Variants in IMMP2L observed in about 807,000 individuals in gnomAD.
IMMP2L encodes the protein mitochondrial inner membrane protease subunit 2.
Under a neutral mutation model 19.3 loss-of-function variants are expected in IMMP2L, and 18 were observed. The ratio of observed to expected loss-of-function variants is 0.93; its 90% confidence interval spans 0.64 to 1.38. IMMP2L has a LOEUF of 1.38. Among genes scored for constraint, IMMP2L ranks in the 40% most tolerant of loss-of-function variants. The pLI is 0.00. For missense variants in IMMP2L, 233 were observed against 218.2 expected (o/e 1.07, Z -0.43); for synonymous variants, 76 against 73.0 (o/e 1.04, Z -0.21).
In IMMP2L at chr7:111,333,699, T is replaced by A. The variant is rs1343543252; in HGVS notation, c.239+153539A>T. 3.9e-5 allele frequency among the ~76,000 whole-genome samples: 6 copies of A among 152,174 alleles called. 1 individual carries two copies. The South Asian group carries it at 1.2e-3, about 32-fold the overall frequency. On this transcript the variant is annotated intron_variant, in intron 3 of 5. Transcript: ENST00000405709. ...TAATCAGCTGACAGTGTAGCCAGAA[T>A]AAAAGCAGGCAGAACATGAAAAGAC... is the stretch of plus-strand genomic sequence containing the variant.
chr7:110,808,229 G>A (rs1801764392), intron 5 of IMMP2L, among the ~76,000 whole-genome samples: 1 of 151,956 alleles, frequency 6.6e-6, no homozygotes, highest in Non-Finnish European at 1.5e-5. Flanking sequence ...ATTCTGTTAA[G>A]GATAATTTCA....
intron 1 of IMMP2L, among the ~76,000 whole-genome samples, chr7:111,539,590 T>C (rs1477669786): frequency 1.3e-5 from 2 of 151,762 alleles, no homozygotes; most frequent in Admixed American, 6.6e-5. Context: ...GTGAACAGAG[T>C]TCTGAACTGC....
intron 3 of IMMP2L, among the ~76,000 whole-genome samples, chr7:111,384,826 T>C (rs568531498): frequency 2.5e-4 from 38 of 152,314 alleles, no homozygotes; most frequent in African/African-American, 8.4e-4. Context: ...TTATGTATTT[T>C]TTTAACTGGA....
At chr7:111,214,158 T>C (rs1421167329) in intron 3 of IMMP2L, among the ~76,000 whole-genome samples, 1 of 152,072 alleles carries the variant, frequency 6.6e-6, no homozygotes, top group East Asian at 1.9e-4. Flanking sequence ...GTATCTTCTC[T>C]TGCTTATTTA....
At chr7:110,868,727 A>C (rs1048954213) in intron 5 of IMMP2L, among the ~76,000 whole-genome samples, 3 of 152,108 alleles carry the variant, frequency 2.0e-5, no homozygotes, top group Non-Finnish European at 4.4e-5. Flanking sequence ...GAATAATTGC[A>C]ATGGGAAGAA....
At chr7:111,531,370 A>G (rs1782074587) in intron 1 of IMMP2L, among the ~76,000 whole-genome samples, 1 of 152,000 alleles carries the variant, frequency 6.6e-6, no homozygotes, top group African/African-American at 2.4e-5. Context: ...TCCTTTAACA[A>G]TAATCTAGGA....
At chr7:110,687,395 T>A (rs941969160) in intron 5 of IMMP2L, among the ~76,000 whole-genome samples, 2 of 152,156 alleles carry the variant, frequency 1.3e-5, no homozygotes, top group African/African-American at 4.8e-5. Flanking sequence ...AGAATCCATG[T>A]CTAAGTCATC....
intron 4 of IMMP2L, chr7:110,962,916 T>G: frequency 7.1e-7 from 1 of 1,402,230 alleles, no homozygotes; most frequent in Non-Finnish European, 9.2e-7. Flanking sequence ...TGCCACACAG[T>G]ATTTACTTGC....
chr7:111,080,662 T>C (rs1358694126), intron 3 of IMMP2L, among the ~76,000 whole-genome samples: 2 of 152,154 alleles, frequency 1.3e-5, no homozygotes, highest in South Asian at 4.1e-4. Flanking sequence ...CATTCTACAC[T>C]CAATTAAGCC....
At chr7:111,344,773 T>C (rs1261852593) in intron 3 of IMMP2L, among the ~76,000 whole-genome samples, 2 of 152,146 alleles carry the variant, frequency 1.3e-5, no homozygotes, top group Non-Finnish European at 2.9e-5. Flanking sequence ...TGTATCAATA[T>C]AGCTGAGTTT....
intron 3 of IMMP2L, chr7:111,124,361 G>A: frequency 6.2e-7 from 1 of 1,613,678 alleles, no homozygotes; most frequent in Middle Eastern, 1.7e-4. Flanking sequence ...ATTAAAATAA[G>A]AGATATTCAG....
At chr7:110,776,412 T>C (rs763707329) in intron 5 of IMMP2L, among the ~76,000 whole-genome samples, 11 of 152,118 alleles carry the variant, frequency 7.2e-5, no homozygotes, top group Non-Finnish European at 1.2e-4. Flanking sequence ...AATAGTCAAA[T>C]AGCACACTAG....
chr7:110,939,725 A>G (rs1049534527), intron 4 of IMMP2L, among the ~76,000 whole-genome samples: 62 of 152,308 alleles, frequency 4.1e-4, no homozygotes, highest in Non-Finnish European at 7.8e-4. Context: ...CTCAGTGACT[A>G]TCTTTAAACA....
intron 3 of IMMP2L, among the ~76,000 whole-genome samples, chr7:111,370,524 C>T (rs1830171486): frequency 1.3e-5 from 2 of 151,948 alleles, no homozygotes; most frequent in Non-Finnish European, 2.9e-5. Flanking sequence ...CTTGTTCAAA[C>T]GTAACTTCCC....
rs866570915 is a variant in IMMP2L, at chr7:110,980,227, C to T, written c.240-16662G>A. On this transcript the variant is annotated intron_variant, in intron 3 of 5. Coordinates refer to ENST00000405709, the MANE Select transcript of IMMP2L (RefSeq NM_032549.4). ...TTATATGACTGTATTTGTGCTGCTT[C>T]TTTTTTTTTTTTTTTTTTTTTTAGG... Among the ~76,000 whole-genome samples, 411 of 91,908 alleles carry T rather than the reference C, an allele frequency of 4.5e-3. 3 individuals are homozygous for T. Among genetic ancestry groups the T allele is most frequent in the African/African-American group, 0.017 (394 of 23,186 alleles). The allele number at this position is 91,908 out of a possible 152,430, so 60.3% of individuals were successfully genotyped here.
At chr7:111,489,986 CG>C (rs1243622547) in intron 2 of IMMP2L, among the ~76,000 whole-genome samples, 6 of 151,602 alleles carry the variant, frequency 4.0e-5, no homozygotes, top group African/African-American at 1.5e-4. Context: ...TTAGTAGAGA[CG>C]GGGTTTCACC....
chr7:110,809,061 A>G lies in IMMP2L; in HGVS notation c.408+77532T>C, dbSNP rs527977466. Among the ~76,000 whole-genome samples the G allele has an allele frequency of 2.0e-5, 3 of 152,120 alleles. No individual in the cohort carries two copies. In the East Asian group the frequency reaches 5.8e-4, roughly 30 times the overall value. On this transcript the variant is annotated intron_variant, in intron 5 of 5. Transcript: ENST00000405709. ...ACCTAAAACCCTGTCATCTTTCCCA[A>G]ATAAAAATGCACAGTGAAGCTCAAT...
intron 3 of IMMP2L, among the ~76,000 whole-genome samples, chr7:111,384,081 T>G (rs1466628404): frequency 6.6e-6 from 1 of 151,908 alleles, no homozygotes; most frequent in South Asian, 2.1e-4. Context: ...GAGTTTGAGG[T>G]TGTAATGAGC....
intron 3 of IMMP2L, among the ~76,000 whole-genome samples, chr7:111,422,645 C>T (rs1235416932): frequency 6.6e-6 from 1 of 151,872 alleles, no homozygotes; most frequent in Admixed American, 6.5e-5. Context: ...TCTACAAATA[C>T]AATCATGTCA....
Sources: allele counts gnomAD v4.1 joint callset (sites outside exome capture counted in the v4.1 genomes callset), GRCh38; gene constraint gnomAD v4.1.1; transcripts MANE v1.5; gene names NCBI Gene and HGNC (gene_info 2026-07-23, HGNC 2026-07-21).